DUS1L: variants seen among roughly 807,000 people sequenced by gnomAD.
The protein encoded by DUS1L is dihydrouridine synthase 1 like.
In DUS1L, 56 loss-of-function variants were observed where a neutral mutation model predicts 61.2. The ratio of observed to expected loss-of-function variants is 0.92; its 90% CI spans 0.74 to 1.14. DUS1L has a LOEUF of 1.14. Ranked by LOEUF, DUS1L falls within the 50% of genes most tolerant of loss-of-function variation. The probability of loss-of-function intolerance (pLI) is 0.00; values close to 1 mark genes in which losing one functional copy is unlikely to be tolerated. For missense variants in DUS1L, 630 were observed against 632.4 expected (o/e 1.00, Z 0.04); for synonymous variants, 278 against 259.5 (o/e 1.07, Z -0.69).
Position 82,059,945 on chromosome 17 carries a change from T to TA in DUS1L, c.1168+2dup, listed in dbSNP as rs766082361. On this transcript the variant is annotated splice_region_variant and intron_variant, in intron 11 of 13. Transcript: ENST00000306796. ...CGGGCCCATCAGCGGAAGCAGCACT[T>TA]ACGCTTCAGAGAGGGGTCGAAGGTC... The TA allele has an allele frequency of 3.4e-5, 55 of 1,613,802 alleles. No individual in the cohort carries two copies. The highest frequency in any genetic ancestry group is 4.4e-5 in the Non-Finnish European group (52 of 1,179,952).
rs73999366 is a variant in DUS1L at position 82,060,026 on chromosome 17, C to T, written c.1090G>A (p.Gly364Ser). 42,572 of 1,613,790 alleles carry T rather than the reference C, an allele frequency of 0.026. 1,043 individuals carry two copies. Among genetic ancestry groups the T allele is most frequent in the Admixed American group, 0.091 (5,470 of 60,006 alleles). The change falls in exon 11 of 14, where the codon GGC becomes AGC. Residue 364 changes from glycine (G) to serine (S), a missense_variant. Physicochemically the swap from Gly to Ser is moderately conservative, Grantham distance 56. Transcript: ENST00000306796. ...TTGTTCTTGGACAGGACCTCCGTGC[C>T]ACCCTCCTCTTCCTCCAGGGCCCGC... ...SKRALEEEEG[G>S]TEVLSKNKQK...
intron 5 of DUS1L, among the ~76,000 whole-genome samples, chr17:82,062,342 GA>G (rs2033550176): frequency 6.6e-6 from 1 of 152,234 alleles, no homozygotes; most frequent in African/African-American, 2.4e-5. Context: ...CACTGGGGGG[GA>G]AAGTGGGTCC....
At chr17:82,059,548 C>G in intron 11 of DUS1L, 1 of 191,044 alleles carries the variant, frequency 5.2e-6, no homozygotes, top group South Asian at 1.5e-4. Context: ...AGCCTCGTCC[C>G]GTGCCTTTGG....
intron 10 of DUS1L, chr17:82,060,479 G>C: frequency 3.3e-6 from 2 of 605,618 alleles, no homozygotes; most frequent in Admixed American, 5.9e-5. Context: ...CGTCCACTGA[G>C]GGAGGACACA....
In DUS1L at chr17:82,064,145, T is replaced by C. The variant is rs1217318357; in HGVS notation, c.327A>G (p.Pro109=). 1 of 1,612,526 alleles carries C rather than the reference T, an allele frequency of 6.2e-7. No individual in the cohort carries two copies. Among genetic ancestry groups the C allele is most frequent in the Non-Finnish European group, 8.5e-7 (1 of 1,179,800 alleles). ...CDAIDLNLGC[P]QMIAKRGHYG... ...GCTCACCTCTCTTGGCTATCATCTG[T>C]GGGCAGCCCAAGTTCAGGTCAATGG... Residue 109 remains proline (P), a synonymous_variant, in exon 3 of 14, where the codon CCA becomes CCG. Transcript: ENST00000306796.
Position 82,061,614 on chromosome 17 carries a change from C to CGACCTGCGCTCATGACGCCCTGCA in DUS1L, c.697+3_697+4insTGCAGGGCGTCATGAGCGCAGGTC. 6.2e-7 allele frequency: 1 copy of CGACCTGCGCTCATGACGCCCTGCA among 1,609,568 alleles called. No individual in the cohort carries two copies. Among genetic ancestry groups the CGACCTGCGCTCATGACGCCCTGCA allele is most frequent in the Non-Finnish European group, 8.5e-7 (1 of 1,178,844 alleles). The stretch of plus-strand genomic sequence containing the variant: ...CCCTGGCTGCTGTCCTGGGCCCTGC[C>CGACCTGCGCTCATGACGCCCTGCA]CACCTGCGCTCATGACGCCCTGCAC... On this transcript the variant is annotated splice_donor_region_variant and intron_variant, in intron 7 of 13. Coordinates refer to ENST00000306796, the MANE Select transcript of DUS1L (RefSeq NM_022156.5).
chr17:82,065,172 C>A (rs2033711494), intron 1 of DUS1L, 103 bp from the exon 2 acceptor site: 1 of 1,021,316 alleles, frequency 9.8e-7, no homozygotes, highest in Non-Finnish European at 1.4e-6. Flanking sequence ...CCAGTACCAC[C>A]GTTGGGTCAC....
chr17:82,058,900 G>C lies in DUS1L; in HGVS notation c.1169-82C>G, dbSNP rs528567843. ...GGGCTGCCCCGTCCGCCTGCACGGA[G>C]CCTGCTGATGGCGTCCATGCCAGCT... On this transcript the variant is annotated intron_variant, in intron 11 of 13. Transcript: ENST00000306796. 32 of 1,306,642 alleles carry C rather than the reference G, an allele frequency of 2.4e-5. No homozygotes were observed. The South Asian group carries it at 3.8e-4, about 15-fold the overall frequency. 80.9% of individuals were successfully genotyped at this position (1,306,642 alleles called of 1,614,324 possible). A position where few individuals can be genotyped will look rare whatever the true frequency, so the allele number is the denominator to read the frequency against.
At position 82,061,243 on chromosome 17, in the gene DUS1L, C is replaced by T. The variant is rs1260475482; in HGVS notation, c.808G>A (p.Val270Ile). The change falls in exon 8 of 14, where the codon GTC becomes ATC. Residue 270 changes from valine to isoleucine, a missense_variant. Val to Ile is a conservative substitution (Grantham distance 29). Coordinates refer to ENST00000306796, the MANE Select transcript of DUS1L (RefSeq NM_022156.5). ...VREHPCPLSY[V>I]RAHLFKLWHH... ...CACAGCTTGAAGAGGTGGGCCCGGACGTAGGACAGGGGGCAGGGGTGCTCC... is the reference window on the plus strand; with the variant it reads ...CACAGCTTGAAGAGGTGGGCCCGGATGTAGGACAGGGGGCAGGGGTGCTCC... The T allele has an allele frequency of 5.0e-6, 8 of 1,607,558 alleles. No homozygotes were observed. The highest frequency in any genetic ancestry group is 2.2e-5 in the East Asian group (1 of 44,772).
In DUS1L at chr17:82,060,353, C is replaced by G. The variant is rs562521759; in HGVS notation, c.1023-260G>C. 8.4e-6 allele frequency: 5 copies of G among 593,154 alleles called. No homozygotes were observed. In the African/African-American group the frequency reaches 9.3e-5, roughly 11 times the overall value. 36.7% of individuals were successfully genotyped at this position (593,154 alleles called of 1,614,324 possible). A position where few individuals can be genotyped will look rare whatever the true frequency, so the allele number is the denominator to read the frequency against. ...AGGGAGGGCTGTGGCCACGGATGGC[C>G]TCACCTCTGAGAACCCAGCAGAAGC... On this transcript the variant is annotated intron_variant, in intron 10 of 13. Coordinates refer to ENST00000306796, the MANE Select transcript of DUS1L (RefSeq NM_022156.5).
Position 82,062,859 on chromosome 17 carries a change from A to C in DUS1L, c.510+2T>G, listed in dbSNP as rs763383471. The C allele has an allele frequency of 6.2e-7, 1 of 1,611,662 alleles. No homozygotes were observed. The highest frequency in any genetic ancestry group is 1.7e-5 in the Admixed American group (1 of 60,012). ...TGACACCCCCGCGAGCCCAGGGCTC[A>C]CCTGGCAGCCGGCCTTCTCCAGCAT... is the stretch of plus-strand genomic sequence containing the variant. On this transcript the variant is annotated splice_donor_variant, in intron 5 of 13. Transcript: ENST00000306796. LOFTEE classifies it high-confidence loss of function.
At chr17:82,065,220 G>T in intron 1 of DUS1L, 151 bp from the exon 2 acceptor site, 3 of 661,360 alleles carry the variant, frequency 4.5e-6, no homozygotes, top group Non-Finnish European at 7.5e-6. Context: ...GTGCAGGCTG[G>T]AGAACGGCCA....
chr17:82,063,162 C>A, intron 4 of DUS1L, 189 bp from the exon 5 acceptor site: 1 of 637,868 alleles, frequency 1.6e-6, no homozygotes, highest in Admixed American at 2.8e-5. Context: ...ATACCCCCGG[C>A]CCTCCGAAGT....
At chr17:82,063,018 A>C (rs762325780) in intron 4 of DUS1L, 45 bp from the exon 5 acceptor site, 1 of 1,535,170 alleles carries the variant, frequency 6.5e-7, no homozygotes, top group Admixed American at 1.7e-5. Context: ...TGGTGTTCCC[A>C]CTTTAGCGGC....
intron 5 of DUS1L, among the ~76,000 whole-genome samples, chr17:82,062,265 G>C (rs2033544918): frequency 6.6e-6 from 1 of 152,254 alleles, no homozygotes; most frequent in South Asian, 2.1e-4. Context: ...AGCCAGGCCG[G>C]GAAGTGGCAG....
At position 82,057,953 on chromosome 17, in the gene DUS1L, C is replaced by T; in HGVS notation, c.*162G>A. The T allele has an allele frequency of 1.2e-6, 1 of 844,998 alleles. No homozygotes were observed. The highest frequency in any genetic ancestry group is 1.7e-6 in the Non-Finnish European group (1 of 588,408). 52.3% of individuals were successfully genotyped at this position (844,998 alleles called of 1,614,324 possible). A position where few individuals can be genotyped will look rare whatever the true frequency, so the allele number is the denominator to read the frequency against. On this transcript the variant is annotated 3_prime_UTR_variant, in exon 14 of 14. Transcript: ENST00000306796. ...CAGGGCAGGTCCAGCCTGGGGCCTG[C>T]TCCCCACTGCAGCATTTCCAGGCCC...
rs757631906 is a variant in DUS1L, at chr17:82,058,302, C to CTGTT, written c.1282+35_1282+38dup. Reference sequence around the variant, plus strand: ...TCGGGGGTCAGGAGGCGGAGGGGGTCTGTTTGCCTGCTGCGGGGCGGGTGG... The same window carrying CTGTT: ...TCGGGGGTCAGGAGGCGGAGGGGGTCTGTTTGTTTGCCTGCTGCGGGGCGGGTGG... On this transcript the variant is annotated intron_variant, in intron 13 of 13. Transcript: ENST00000306796. 10 of 1,530,116 alleles carry CTGTT rather than the reference C, an allele frequency of 6.5e-6. 1 individual carries two copies. In the South Asian group the frequency reaches 1.1e-4, roughly 17 times the overall value. The allele number at this position is 1,530,116 out of a possible 1,614,324, so 94.8% of individuals were successfully genotyped here.
rs748370994 is a variant in DUS1L at position 82,061,610 on chromosome 17, C to T, written c.697+8G>A. On this transcript the variant is annotated splice_region_variant and intron_variant, in intron 7 of 13. Transcript: ENST00000306796. ...GGGGCCCTGGCTGCTGTCCTGGGCC[C>T]TGCCCACCTGCGCTCATGACGCCCT... is the stretch of plus-strand genomic sequence containing the variant. 1.9e-6 allele frequency: 3 copies of T among 1,608,744 alleles called. No homozygotes were observed. Among genetic ancestry groups the T allele is most frequent in the South Asian group, 2.2e-5 (2 of 91,044 alleles).
In DUS1L at chr17:82,061,733, G is replaced by T; in HGVS notation, c.594-12C>A. The T allele has an allele frequency of 6.2e-7, 1 of 1,612,346 alleles. No individual in the cohort carries two copies. Among genetic ancestry groups the T allele is most frequent in the East Asian group, 2.2e-5 (1 of 44,866 alleles). On this transcript the variant is annotated splice_polypyrimidine_tract_variant and intron_variant, in intron 6 of 13. Transcript: ENST00000306796. ...TGGCCACAGCCTTCCTGTTGGCAGAGAAATGCCTGTTTCCACCCGCCCGGA... is the reference window on the plus strand; with the variant it reads ...TGGCCACAGCCTTCCTGTTGGCAGATAAATGCCTGTTTCCACCCGCCCGGA...
Sources: allele counts gnomAD v4.1 joint callset (sites outside exome capture counted in the v4.1 genomes callset), GRCh38; gene constraint gnomAD v4.1.1; transcripts MANE v1.5; gene names NCBI Gene and HGNC (gene_info 2026-07-23, HGNC 2026-07-21).